Variants in ASCC3 observed in about 807,000 individuals in gnomAD.
ASCC3 encodes ASC-1 complex subunit P200.
In ASCC3, 158 loss-of-function variants were observed where a neutral mutation model predicts 256.3. The ratio of observed to expected loss-of-function variants is 0.62; its 90% CI spans 0.54 to 0.70. The LOEUF is 0.70. ASCC3 is among the 30% of genes least tolerant of loss of function. The probability of loss-of-function intolerance (pLI) is 0.00; values close to 1 mark genes in which losing one functional copy is unlikely to be tolerated. For missense variants in ASCC3, 2,259 were observed against 2,626.0 expected, an observed-to-expected ratio of 0.86 and a Z score of 3.05; for synonymous variants, 948 against 883.4, an observed-to-expected ratio of 1.07 and a Z score of -1.30.
rs1199323822 is a variant in ASCC3 at position 100,881,254 on chromosome 6, AG to A, written c.-236del. On this transcript the variant is annotated 5_prime_UTR_variant, in exon 1 of 42. An upstream open reading frame in the 5' UTR loses its in-frame stop. Transcript: ENST00000369162. ...GCTTGCCGGGGTCGCGCCCAGTCAC[AG>A]GGAACCGCGTGTGAGGACCATCAGT... 2.0e-5 allele frequency: 3 copies of A among 152,428 alleles called. No individual in the cohort carries two copies. The highest frequency in any genetic ancestry group is 7.2e-5 in the African/African-American group (3 of 41,470). The allele number at this position is 152,428 out of a possible 1,614,324, so 9.4% of individuals were successfully genotyped here.
intron 26 of ASCC3, among the ~76,000 whole-genome samples, chr6:100,630,572 A>C (rs529128366): frequency 2.0e-5 from 3 of 151,408 alleles, no homozygotes; most frequent in African/African-American, 7.3e-5. Flanking sequence ...AATATTTTAC[A>C]TTGTGTGAAT....
At chr6:100,838,208 G>C (rs1771971150) in intron 4 of ASCC3, among the ~76,000 whole-genome samples, 1 of 151,926 alleles carries the variant, frequency 6.6e-6, no homozygotes, top group African/African-American at 2.4e-5. Flanking sequence ...TGCAATTTTA[G>C]ATTTGCATGT....
At chr6:100,774,551 G>A (rs1782096049) in intron 8 of ASCC3, among the ~76,000 whole-genome samples, 1 of 149,722 alleles carries the variant, frequency 6.7e-6, no homozygotes, top group African/African-American at 2.5e-5. Context: ...ATTTTTAGTA[G>A]AGACAGGGTT....
intron 37 of ASCC3, among the ~76,000 whole-genome samples, chr6:100,532,404 A>ATT (rs1409003785): frequency 2.1e-5 from 1 of 47,956 alleles, no homozygotes; most frequent in African/African-American, 7.3e-5. Context: ...ATATATATAT[A>ATT]TATTTTTTTT....
At chr6:100,725,392 C>T (rs989751194) in intron 11 of ASCC3, 147 bp downstream of exon 11, 4 of 972,438 alleles carry the variant, frequency 4.1e-6, no homozygotes, top group Non-Finnish European at 6.1e-6. Context: ...CTAGGGACAA[C>T]AGGTACATTC....
intron 10 of ASCC3, among the ~76,000 whole-genome samples, chr6:100,753,097 T>C (rs1233747298): frequency 6.6e-6 from 1 of 151,998 alleles, no homozygotes; most frequent in African/African-American, 2.4e-5. Context: ...ACCACACTCT[T>C]ACCAATCAAA....
chr6:100,802,963 G>A (rs1352268847), intron 5 of ASCC3, among the ~76,000 whole-genome samples: 1 of 152,072 alleles, frequency 6.6e-6, no homozygotes, highest in Non-Finnish European at 1.5e-5. Context: ...ATCCCTGATT[G>A]TGCCACTGCT....
intron 33 of ASCC3, 21 bp from the exon 34 acceptor site, chr6:100,601,956 G>A: frequency 6.2e-7 from 1 of 1,609,796 alleles, no homozygotes; most frequent in Non-Finnish European, 8.5e-7. Context: ...AACAAGACAT[G>A]GGAAGCATAC....
intron 36 of ASCC3, among the ~76,000 whole-genome samples, chr6:100,546,102 T>C (rs1775707056): frequency 1.3e-5 from 2 of 152,224 alleles, no homozygotes; most frequent in Admixed American, 1.3e-4. Context: ...TGTATTTTTC[T>C]GTATATTTGG....
intron 14 of ASCC3, among the ~76,000 whole-genome samples, chr6:100,674,130 C>A (rs1478068770): frequency 2.0e-5 from 3 of 151,956 alleles, no homozygotes; most frequent in Non-Finnish European, 4.4e-5. Flanking sequence ...AGACCCTTGG[C>A]TTGGCTTTTA....
chr6:100,616,063 C>G (rs1306326335), intron 30 of ASCC3, among the ~76,000 whole-genome samples: 1 of 152,156 alleles, frequency 6.6e-6, no homozygotes, highest in Non-Finnish European at 1.5e-5. Context: ...ATTTCAAAAT[C>G]CATCTTCAAC....
intron 36 of ASCC3, among the ~76,000 whole-genome samples, chr6:100,577,042 C>G (rs1012537776): frequency 6.6e-6 from 1 of 150,840 alleles, no homozygotes; most frequent in Admixed American, 6.6e-5. Flanking sequence ...AAAAAAAAGC[C>G]CACAATACTC....
intron 29 of ASCC3, among the ~76,000 whole-genome samples, chr6:100,627,118 C>T (rs911052435): frequency 1.3e-5 from 2 of 152,218 alleles, no homozygotes; most frequent in East Asian, 3.9e-4. Context: ...CCAAATAAAA[C>T]ATGTTTCAAT....
intron 4 of ASCC3, among the ~76,000 whole-genome samples, chr6:100,828,760 G>A (rs1159212179): frequency 2.0e-5 from 3 of 152,110 alleles, no homozygotes; most frequent in Non-Finnish European, 4.4e-5. Flanking sequence ...AGCTCATAAA[G>A]GCAGTGTGGA....
At chr6:100,806,367 A>G (rs1770182732) in intron 4 of ASCC3, among the ~76,000 whole-genome samples, 1 of 151,980 alleles carries the variant, frequency 6.6e-6, no homozygotes, top group Non-Finnish European at 1.5e-5. Context: ...TAAGTCTGAA[A>G]TCTAAAACAA....
chr6:100,679,157 A>T (rs769965119), intron 14 of ASCC3, among the ~76,000 whole-genome samples: 29 of 151,800 alleles, frequency 1.9e-4, no homozygotes, highest in Non-Finnish European at 3.5e-4. Context: ...GCATGTGTAC[A>T]CTGAGTAACA....
chr6:100,627,663 T>C lies in ASCC3; in HGVS notation c.4569A>G (p.Glu1523=). 6.2e-7 allele frequency: 1 copy of C among 1,613,584 alleles called. No homozygotes were observed. The highest frequency in any genetic ancestry group is 2.2e-5 in the East Asian group (1 of 44,834). The part of the protein sequence containing the change: ...FRPSVRPVPL[E]VHIQGFPGQH... Reference sequence around the variant, plus strand: ...GACCTGGAAAGCCTTGAATGTGAACTTCCAGTGGAACTGGGCGTACTGATG... The same window carrying C: ...GACCTGGAAAGCCTTGAATGTGAACCTCCAGTGGAACTGGGCGTACTGATG... Residue 1523 remains glutamate (E), a synonymous_variant, in exon 29 of 42, where the codon GAA becomes GAG. Coordinates refer to ENST00000369162, the MANE Select transcript of ASCC3 (RefSeq NM_006828.4).
chr6:100,696,145 G>C (rs1361828649), intron 13 of ASCC3, among the ~76,000 whole-genome samples: 5 of 152,080 alleles, frequency 3.3e-5, no homozygotes, highest in Admixed American at 6.6e-5. Context: ...CTAAGACTAT[G>C]ATGTTATTCT....
At position 100,565,881 on chromosome 6, in the gene ASCC3, G is replaced by A. The variant is rs1770216371; in HGVS notation, c.5550+23753C>T. Among the ~76,000 whole-genome samples the A allele has an allele frequency of 2.0e-5, 3 of 152,082 alleles. No individual in the cohort carries two copies. The South Asian group carries it at 6.2e-4, about 31-fold the overall frequency. ...TTTTTAAATGCCTCTTAAGAGCAAAGATTACTTGGCAGCATAATAGTCACA... is the reference window on the plus strand; with the variant it reads ...TTTTTAAATGCCTCTTAAGAGCAAAAATTACTTGGCAGCATAATAGTCACA... On this transcript the variant is annotated intron_variant, in intron 36 of 41. Transcript: ENST00000369162.
Sources: gnomAD v4.1 joint callset for allele counts (sites outside exome capture counted in the v4.1 genomes callset) on GRCh38, gnomAD v4.1.1 for gene constraint, MANE v1.5 for transcripts, NCBI Gene and HGNC (gene_info 2026-07-23, HGNC 2026-07-21) for gene names.